DRD3: variants seen among roughly 807,000 people sequenced by gnomAD.
DRD3 encodes the protein D(3) dopamine receptor.
Under a neutral mutation model 36.3 loss-of-function variants are expected in DRD3, and 19 were observed. The ratio of observed to expected loss-of-function variants is 0.52; its 90% CI spans 0.36 to 0.77. The LOEUF (loss-of-function observed/expected upper bound fraction) is 0.77. DRD3 is among the 30% of genes least tolerant of loss of function. DRD3 has a pLI of 0.00. For missense variants in DRD3, 465 were observed against 505.3 expected, an observed-to-expected ratio of 0.92 and a Z score of 0.77; for synonymous variants, 195 against 203.7, an observed-to-expected ratio of 0.96 and a Z score of 0.36.
chr3:114,160,168 A>C (rs2107866844), intron 2 of DRD3, among the ~76,000 whole-genome samples: 1 of 152,256 alleles, frequency 6.6e-6, no homozygotes, highest in East Asian at 1.9e-4. Context: ...AAAGATGTAG[A>C]TTTCTGAATC....
intron 2 of DRD3, among the ~76,000 whole-genome samples, chr3:114,165,557 A>G (rs1033325091): frequency 6.6e-6 from 1 of 152,230 alleles, no homozygotes; most frequent in Non-Finnish European, 1.5e-5. Flanking sequence ...TCTAAATTTC[A>G]TCTCAGGGAA....
At chr3:114,150,749 G>C (rs910849205) in intron 3 of DRD3, among the ~76,000 whole-genome samples, 1 of 152,214 alleles carries the variant, frequency 6.6e-6, no homozygotes, top group African/African-American at 2.4e-5. Context: ...ATTAAGGAAA[G>C]GAAGGACAGA....
chr3:114,197,276 A>AT lies in DRD3; in HGVS notation c.-156+1996_-156+1997insA, dbSNP rs2078042641. 2.6e-3 allele frequency among the ~76,000 whole-genome samples: 345 copies of AT among 131,576 alleles called. 1 individual carries two copies. The highest frequency in any genetic ancestry group is 4.1e-3 in the Non-Finnish European group (256 of 62,280). The allele number at this position is 131,576 out of a possible 152,430, so 86.3% of individuals were successfully genotyped here. ...ATAGGTGCACTTGGCTAATTAAAAA[A>AT]ATTTTTTTTTTTTTTTTTTTTTTTT... On this transcript the variant is annotated intron_variant, in intron 1 of 7. Transcript: ENST00000460779.
At chr3:114,146,372 C>T (rs1234570119) in intron 4 of DRD3, among the ~76,000 whole-genome samples, 1 of 152,162 alleles carries the variant, frequency 6.6e-6, no homozygotes, top group Non-Finnish European at 1.5e-5. Context: ...TGTATATTGT[C>T]AATACCCATC....
chr3:114,195,038 G>A (rs1468791551), intron 1 of DRD3, among the ~76,000 whole-genome samples: 1 of 152,144 alleles, frequency 6.6e-6, no homozygotes, highest in Non-Finnish European at 1.5e-5. Flanking sequence ...CTACTCATCA[G>A]TGATTTTCTT....
chr3:114,155,806 T>A (rs2077661642), intron 3 of DRD3, among the ~76,000 whole-genome samples: 1 of 151,970 alleles, frequency 6.6e-6, no homozygotes, highest in East Asian at 1.9e-4. Context: ...GGGGCTCTCT[T>A]TACACAGTTC....
intron 1 of DRD3, among the ~76,000 whole-genome samples, chr3:114,197,954 C>A (rs1015430410): frequency 2.6e-5 from 4 of 151,994 alleles, no homozygotes; most frequent in African/African-American, 9.7e-5. Flanking sequence ...ACTTTAAAAC[C>A]AGCTTCTTAT....
chr3:114,146,934 T>C (rs1318882199), intron 4 of DRD3, among the ~76,000 whole-genome samples: 2 of 152,062 alleles, frequency 1.3e-5, no homozygotes, highest in East Asian at 3.9e-4. Context: ...CTCCAGGAAT[T>C]TGGGAATCTA....
At chr3:114,147,583 A>G (rs1253930409) in intron 3 of DRD3, 26 bp from the exon 4 acceptor site, 2 of 1,593,708 alleles carry the variant, frequency 1.3e-6, no homozygotes, top group Admixed American at 1.7e-5. Flanking sequence ...GAGAGGGGAT[A>G]GGCATGGTGA....
chr3:114,154,350 T>A (rs574811107), intron 3 of DRD3, among the ~76,000 whole-genome samples: 1 of 151,988 alleles, frequency 6.6e-6, no homozygotes, highest in South Asian at 2.1e-4. Flanking sequence ...TGTGTGTATG[T>A]GTGTGTGTGT....
chr3:114,176,861 A>G (rs142949487), intron 1 of DRD3, among the ~76,000 whole-genome samples: 3 of 152,230 alleles, frequency 2.0e-5, no homozygotes, highest in Non-Finnish European at 4.4e-5. Flanking sequence ...ATTTATAAGC[A>G]TTATCATCAT....
rs534477556 is a variant in DRD3 at position 114,178,933 on chromosome 3, C to G, written c.-312G>C. ...TAGAGGATTTGGGAGGGACCCTAAA[C>G]TGAGCGTTGCTTGGGTCAGCCGCTC... is the stretch of plus-strand genomic sequence containing the variant. On this transcript the variant is annotated 5_prime_UTR_variant, in exon 1 of 7. Transcript: ENST00000383673. 6.6e-6 allele frequency: 1 copy of G among 152,304 alleles called. No homozygotes were observed. Among genetic ancestry groups the G allele is most frequent in the Admixed American group, 6.5e-5 (1 of 15,292 alleles). The allele number at this position is 152,304 out of a possible 1,614,324, so 9.4% of individuals were successfully genotyped here. A position where few individuals can be genotyped will look rare whatever the true frequency, so the allele number is the denominator to read the frequency against.
chr3:114,150,914 G>A (rs2077611360), intron 3 of DRD3, among the ~76,000 whole-genome samples: 1 of 152,222 alleles, frequency 6.6e-6, no homozygotes, highest in East Asian at 1.9e-4. Context: ...ACAGTTAGCT[G>A]TGAGTTCTGA....
rs190808207 is a variant in DRD3, at chr3:114,189,360, G to A, written c.-156+9913C>T. Reference sequence around the variant, plus strand: ...ACTTGGAGTTGAAGACTGGAGTTTTGTCTATATCCTTGCTATATACTTGTT... The same window carrying A: ...ACTTGGAGTTGAAGACTGGAGTTTTATCTATATCCTTGCTATATACTTGTT... On this transcript the variant is annotated intron_variant, in intron 1 of 7. Transcript: ENST00000460779. Among the ~76,000 whole-genome samples, 20 of 152,306 alleles carry A rather than the reference G, an allele frequency of 1.3e-4. No individual in the cohort carries two copies. The East Asian group carries it at 2.9e-3, about 22-fold the overall frequency.
At chr3:114,133,344 G>A (rs559878318) in intron 5 of DRD3, among the ~76,000 whole-genome samples, 3 of 152,090 alleles carry the variant, frequency 2.0e-5, no homozygotes, top group Non-Finnish European at 2.9e-5. Context: ...GAAATAATAC[G>A]GTGTTTAGTA....
chr3:114,198,363 C>T (rs373515040), intron 1 of DRD3, among the ~76,000 whole-genome samples: 2 of 152,034 alleles, frequency 1.3e-5, no homozygotes, highest in African/African-American at 4.8e-5. Flanking sequence ...TCTCGAAGTC[C>T]TGAGGTCAAG....
chr3:114,152,550 C>T (rs1559988903), intron 3 of DRD3, among the ~76,000 whole-genome samples: 1 of 152,174 alleles, frequency 6.6e-6, no homozygotes, highest in Admixed American at 6.5e-5. Context: ...ATAAATGAGG[C>T]CCCCGCTTGT....
At chr3:114,171,119 C>T (rs1333802834) in intron 2 of DRD3, among the ~76,000 whole-genome samples, 3 of 152,198 alleles carry the variant, frequency 2.0e-5, no homozygotes, top group Admixed American at 6.5e-5. Flanking sequence ...CTGTACTATT[C>T]ATGGACACAT....
intron 3 of DRD3, among the ~76,000 whole-genome samples, chr3:114,155,210 C>A (rs1276668694): frequency 2.0e-5 from 3 of 152,178 alleles, no homozygotes; most frequent in Admixed American, 2.0e-4. Context: ...AATTGACCAG[C>A]TATTTGTCAT....
Sources: allele counts gnomAD v4.1 joint callset (sites outside exome capture counted in the v4.1 genomes callset), GRCh38; gene constraint gnomAD v4.1.1; transcripts MANE v1.5; gene names NCBI Gene and HGNC (gene_info 2026-07-23, HGNC 2026-07-21).